The following SEM1 variants were observed in gnomAD, a reference collection of about 807,000 sequenced individuals.
SEM1 encodes the protein SEM1 26S proteasome subunit.
In SEM1, 3 loss-of-function variants were observed where a neutral mutation model predicts 12.7. That is an observed-to-expected ratio of 0.24 (90% confidence interval 0.11 to 0.61). SEM1 has a LOEUF of 0.61. SEM1 is among the 20% of genes least tolerant of loss of function. The probability of loss-of-function intolerance (pLI) is 0.88; values close to 1 mark genes in which losing one functional copy is unlikely to be tolerated. For missense variants in SEM1, 59 were observed against 81.3 expected, an observed-to-expected ratio of 0.73 and a Z score of 1.06; for synonymous variants, 30 against 27.8, an observed-to-expected ratio of 1.08 and a Z score of -0.25.
At chr7:96,522,653 AG>A (rs1385330191) in intron 2 of SEM1, among the ~76,000 whole-genome samples, 4 of 151,106 alleles carry the variant, frequency 2.6e-5, no homozygotes, top group African/African-American at 7.3e-5. Flanking sequence ...CAAGGCAGGC[AG>A]ATCATCTGAG....
intron 2 of SEM1, among the ~76,000 whole-genome samples, chr7:96,655,442 C>CTT (rs72335497): frequency 1.2e-4 from 17 of 137,704 alleles, no homozygotes; most frequent in Non-Finnish European, 2.2e-4. Context: ...ATGCAAATAC[C>CTT]TTTTTTTTTT....
At chr7:96,648,828 T>C (rs941376664) in intron 2 of SEM1, among the ~76,000 whole-genome samples, 1 of 152,220 alleles carries the variant, frequency 6.6e-6, no homozygotes, top group Non-Finnish European at 1.5e-5. Context: ...AGTGCAGCCC[T>C]GACAAAGCCT....
chr7:96,555,244 T>A (rs957813988), intron 2 of SEM1, among the ~76,000 whole-genome samples: 1 of 152,260 alleles, frequency 6.6e-6, no homozygotes, highest in Middle Eastern at 3.4e-3. Flanking sequence ...CTTTTGAATG[T>A]GTTTGCCCTT....
chr7:96,694,946 T>C (rs1790042681), intron 1 of SEM1, 55 bp from the exon 2 acceptor site: 15 of 1,348,774 alleles, frequency 1.1e-5, no homozygotes, highest in Non-Finnish European at 1.6e-5. Flanking sequence ...TTTCCACAAT[T>C]ACAAAAACTT....
chr7:96,649,342 A>T (rs966609420), intron 2 of SEM1: 1 of 151,368 alleles, frequency 6.6e-6, no homozygotes, highest in Non-Finnish European at 1.5e-5. Flanking sequence ...AATATTGATA[A>T]TTTTTCTCCA....
At chr7:96,615,740 C>T (rs1225457634) in intron 2 of SEM1, among the ~76,000 whole-genome samples, 2 of 152,158 alleles carry the variant, frequency 1.3e-5, no homozygotes, top group Non-Finnish European at 2.9e-5. Flanking sequence ...ATCCTCAACT[C>T]GCTCCCACCT....
chr7:96,601,506 C>T (rs1807199829), intron 2 of SEM1, among the ~76,000 whole-genome samples: 2 of 152,090 alleles, frequency 1.3e-5, no homozygotes, highest in South Asian at 4.2e-4. Flanking sequence ...AGTGCCCAGT[C>T]TCTAAGGTGG....
Position 96,666,386 on chromosome 7 carries a change from CCT to C in SEM1, c.170+28410_170+28411del, listed in dbSNP as rs547398676. 1.7e-3 allele frequency among the ~76,000 whole-genome samples: 265 copies of C among 152,170 alleles called. 1 individual carries two copies. The highest frequency in any genetic ancestry group is 2.7e-3 in the Non-Finnish European group (183 of 68,008). On this transcript the variant is annotated intron_variant, in intron 2 of 2. Coordinates refer to the SEM1 transcript ENST00000417009. The stretch of plus-strand genomic sequence containing the variant: ...CTGTGACTTTGGGTAAGTCAGCTAA[CCT>C]CTCTCTCAATTTCCACATCTATAAA...
intron 2 of SEM1, among the ~76,000 whole-genome samples, chr7:96,612,631 G>GT (rs942365704): frequency 2.0e-5 from 3 of 151,864 alleles, no homozygotes; most frequent in Non-Finnish European, 2.9e-5. Context: ...GTTGCTTTTG[G>GT]TTTTTTTTGT....
At chr7:96,703,974 C>A (rs1303361339) in intron 1 of SEM1, among the ~76,000 whole-genome samples, 3 of 76,936 alleles carry the variant, frequency 3.9e-5, no homozygotes, top group East Asian at 4.7e-4. Flanking sequence ...CTCTTAAAAA[C>A]ACACACACAC....
At chr7:96,575,827 CT>C (rs1806187428) in intron 2 of SEM1, among the ~76,000 whole-genome samples, 1 of 152,216 alleles carries the variant, frequency 6.6e-6, no homozygotes, top group Non-Finnish European at 1.5e-5. Flanking sequence ...AACTATGCAT[CT>C]GACAAATGGT....
intron 2 of SEM1, among the ~76,000 whole-genome samples, chr7:96,639,684 C>T (rs1220747236): frequency 6.6e-6 from 1 of 151,760 alleles, no homozygotes; most frequent in Non-Finnish European, 1.5e-5. Context: ...TTTTTAGATG[C>T]AGCACCAAAG....
chr7:96,687,725 T>C (rs942543251), downstream of SEM1, among the ~76,000 whole-genome samples: 3 of 151,954 alleles, frequency 2.0e-5, no homozygotes, highest in East Asian at 3.9e-4. Context: ...ATGGCACATG[T>C]ATACATATGT....
At chr7:96,571,039 A>G (rs1385081612) in intron 2 of SEM1, among the ~76,000 whole-genome samples, 1 of 150,294 alleles carries the variant, frequency 6.7e-6, no homozygotes, top group Non-Finnish European at 1.5e-5. Flanking sequence ...TTGTTTGCCC[A>G]CTTTTTGATG....
At chr7:96,619,285 T>C (rs573512905), downstream of SEM1, among the ~76,000 whole-genome samples, 131 of 152,316 alleles carry the variant, frequency 8.6e-4, no homozygotes, top group Non-Finnish European at 1.7e-3. Flanking sequence ...GTATGTATTT[T>C]GTTGATTAAG....
At chr7:96,671,761 C>T (rs1371820800), downstream of SEM1, among the ~76,000 whole-genome samples, 2 of 152,136 alleles carry the variant, frequency 1.3e-5, no homozygotes, top group Non-Finnish European at 2.9e-5. Context: ...CGGAGCATGC[C>T]TGGAGAGGAT....
At chr7:96,675,686 C>T (rs1234472641) in intron 2 of SEM1, among the ~76,000 whole-genome samples, 1 of 152,144 alleles carries the variant, frequency 6.6e-6, no homozygotes, top group Non-Finnish European at 1.5e-5. Flanking sequence ...GAGGAGCCTG[C>T]TCCTTCCTCC....
chr7:96,649,082 C>T (rs1320601338), intron 2 of SEM1: 2 of 152,246 alleles, frequency 1.3e-5, no homozygotes, highest in Non-Finnish European at 2.9e-5. Flanking sequence ...CAGCACATCA[C>T]TGAAGATGCT....
chr7:96,566,924 T>C (rs1018703337), intron 2 of SEM1, among the ~76,000 whole-genome samples: 4 of 151,680 alleles, frequency 2.6e-5, no homozygotes, highest in South Asian at 2.1e-4. Flanking sequence ...AATACTTCTT[T>C]GATAACAAGC....
Sources: gnomAD v4.1 joint callset for allele counts (sites outside exome capture counted in the v4.1 genomes callset) on GRCh38, gnomAD v4.1.1 for gene constraint, MANE v1.5 for transcripts, NCBI Gene and HGNC (gene_info 2026-07-23, HGNC 2026-07-21) for gene names.